The following EMC6 variants were observed in gnomAD, a reference collection of about 807,000 sequenced individuals.
The protein encoded by EMC6 is ER membrane protein complex subunit 6.
In EMC6, 1 loss-of-function variant was observed where a neutral mutation model predicts 6.5. The ratio of observed to expected loss-of-function variants is 0.15; its 90% CI spans 0.05 to 0.73. The LOEUF (loss-of-function observed/expected upper bound fraction) is 0.73, where lower values mean the gene tolerates loss of function less well. Ranked by LOEUF, EMC6 falls within the 30% of genes least tolerant of loss-of-function variation. The pLI, the probability that EMC6 is intolerant of heterozygous loss-of-function variation, is 0.78. For synonymous variants in EMC6, 96 were observed against 74.3 expected (o/e 1.29, Z -1.50); for missense variants, 114 against 146.7 (o/e 0.78, Z 1.15).
At position 3,669,535 on chromosome 17, in the gene EMC6, A is replaced by G; in HGVS notation, c.*56A>G. The G allele has an allele frequency of 7.1e-7, 1 of 1,406,320 alleles. No individual in the cohort carries two copies. Among genetic ancestry groups the G allele is most frequent in the Non-Finnish European group, 9.7e-7 (1 of 1,029,112 alleles). 87.1% of individuals were successfully genotyped at this position (1,406,320 alleles called of 1,614,324 possible). On this transcript the variant is annotated 3_prime_UTR_variant, in exon 2 of 2. Coordinates refer to ENST00000248378, the MANE Select transcript of EMC6 (RefSeq NM_031298.4). ...CCAGATCGGGAGGACTGTGGCCAGC[A>G]ATTAACACCATGTAGACTTCCTTAG...
In EMC6 at chr17:3,669,365, G is replaced by T; in HGVS notation, c.219G>T (p.Arg73Ser). The T allele has an allele frequency of 6.2e-7, 1 of 1,614,208 alleles. No homozygotes were observed. The highest frequency in any genetic ancestry group is 8.5e-7 in the Non-Finnish European group (1 of 1,180,050). ...SLLLILKAGR[R>S]WNKYFKSRRP... ...TCCTCATTCTCAAGGCGGGAAGGAG[G>T]TGGAACAAATATTTCAAATCACGGA... The change falls in exon 2 of 2, where the codon AGG (arginine) becomes AGT (serine). Residue 73 changes from arginine to serine, a missense_variant. Transcript: ENST00000248378.
Position 3,668,977 on chromosome 17 carries a change from G to A in EMC6, c.-50+78G>A. 1.5e-6 allele frequency: 1 copy of A among 657,724 alleles called. No individual in the cohort carries two copies. Among genetic ancestry groups the A allele is most frequent in the South Asian group, 2.2e-5 (1 of 45,186 alleles). 40.7% of individuals were successfully genotyped at this position (657,724 alleles called of 1,614,324 possible). A position where few individuals can be genotyped will look rare whatever the true frequency, so the allele number is the denominator to read the frequency against. On this transcript the variant is annotated intron_variant, in intron 1 of 1. Transcript: ENST00000248378. This position sits in a 1 kb window ranked among gnomAD's most constrained non-coding sequence, Gnocchi z 4.1. ...GGCCCGGACCCTCAATCTCCTCGGC[G>A]TCTTTGGAAGATCCGAGGCCCAGGA...
At position 3,669,313 on chromosome 17, in the gene EMC6, T is replaced by C; in HGVS notation, c.167T>C (p.Leu56Pro). The stretch of plus-strand genomic sequence containing the variant: ...GGCCTCTACGGCTTCATCTTCTACC[T>C]GCTCGCCTCCGTCCTGCTCTCCCTG... ...LTGLYGFIFY[L>P]LASVLLSLLL... is the part of the protein sequence containing the mutation. Residue 56 changes from leucine to proline, a missense_variant, in exon 2 of 2, where the codon CTG becomes CCG. Physicochemically the swap from Leu to Pro is moderately conservative, Grantham distance 98. Coordinates refer to ENST00000248378, the MANE Select transcript of EMC6 (RefSeq NM_031298.4). 6.2e-7 allele frequency: 1 copy of C among 1,614,180 alleles called. No homozygotes were observed. Among genetic ancestry groups the C allele is most frequent in the Non-Finnish European group, 8.5e-7 (1 of 1,180,030 alleles).
chr17:3,669,452 C>G lies in EMC6; in HGVS notation c.306C>G (p.Phe102Leu). The G allele has an allele frequency of 6.2e-7, 1 of 1,611,648 alleles. No homozygotes were observed. Among genetic ancestry groups the G allele is most frequent in the Non-Finnish European group, 8.5e-7 (1 of 1,178,500 alleles). ...GLFTYVLFWT[F>L]LYGMVHVY The stretch of plus-strand genomic sequence containing the variant: ...TCACCTACGTCCTGTTCTGGACGTT[C>G]CTCTACGGCATGGTGCACGTCTACT... Residue 102 changes from phenylalanine to leucine, a missense_variant, in exon 2 of 2, where the codon TTC becomes TTG. Transcript: ENST00000248378.
At position 3,669,555 on chromosome 17, in the gene EMC6, C is replaced by A; in HGVS notation, c.*76C>A. ...CCAGCAATTAACACCATGTAGACTT[C>A]CTTAGTTCTTAAGTGGTTGAATTCG... On this transcript the variant is annotated 3_prime_UTR_variant, in exon 2 of 2. Transcript: ENST00000248378. 1 of 1,223,602 alleles carries A rather than the reference C, an allele frequency of 8.2e-7. No individual in the cohort carries two copies. Among genetic ancestry groups the A allele is most frequent in the Non-Finnish European group, 1.1e-6 (1 of 876,202 alleles). The allele number at this position is 1,223,602 out of a possible 1,614,324, so 75.8% of individuals were successfully genotyped here. A position where few individuals can be genotyped will look rare whatever the true frequency, so the allele number is the denominator to read the frequency against.
rs1597680535 is a variant in EMC6, at chr17:3,668,854, C to G, written c.-95C>G. 3.9e-6 allele frequency: 2 copies of G among 518,090 alleles called. No individual in the cohort carries two copies. The highest frequency in any genetic ancestry group is 6.7e-6 in the Non-Finnish European group (2 of 296,302). 32.1% of individuals were successfully genotyped at this position (518,090 alleles called of 1,614,324 possible). A position where few individuals can be genotyped will look rare whatever the true frequency, so the allele number is the denominator to read the frequency against. ...GGCGCCGCGGGCATTTCTTCCACTG[C>G]CCGTCTGAGGGAACGCTAAGTAGTG... On this transcript the variant is annotated 5_prime_UTR_variant, in exon 1 of 2. Transcript: ENST00000248378. This position sits in a 1 kb window ranked among gnomAD's most constrained non-coding sequence, Gnocchi z 4.1.
rs1055763577 is a variant in EMC6, at chr17:3,668,946, C to T, written c.-50+47C>T. The stretch of plus-strand genomic sequence containing the variant: ...GGGAACGCAGACGCGCCACCACCTC[C>T]CGGCCGGCCCGGACCCTCAATCTCC... On this transcript the variant is annotated intron_variant, in intron 1 of 1. Transcript: ENST00000248378. This position sits in a 1 kb window ranked among gnomAD's most constrained non-coding sequence, Gnocchi z 4.1. 4 of 592,626 alleles carry T rather than the reference C, an allele frequency of 6.7e-6. No individual in the cohort carries two copies. The African/African-American group carries it at 7.7e-5, about 11-fold the overall frequency. 36.7% of individuals were successfully genotyped at this position (592,626 alleles called of 1,614,324 possible).
rs754211357 is a variant in EMC6 at position 3,669,377 on chromosome 17, T to C, written c.231T>C (p.Tyr77=). ...AGGCGGGAAGGAGGTGGAACAAATA[T>C]TTCAAATCACGGAGACCTCTCTTTA... The part of the protein sequence containing the change: ...ILKAGRRWNK[Y]FKSRRPLFTG... The change falls in exon 2 of 2, where the codon TAT becomes TAC. Residue 77 remains tyrosine, a synonymous_variant. Transcript: ENST00000248378. 6 of 1,614,012 alleles carry C rather than the reference T, an allele frequency of 3.7e-6. No homozygotes were observed. The highest frequency in any genetic ancestry group is 1.1e-5 in the South Asian group (1 of 91,092).
chr17:3,668,976 C>T lies in EMC6; in HGVS notation c.-50+77C>T, dbSNP rs1441479991. 3 of 652,380 alleles carry T rather than the reference C, an allele frequency of 4.6e-6. No homozygotes were observed. The highest frequency in any genetic ancestry group is 1.9e-5 in the African/African-American group (1 of 53,508). 40.4% of individuals were successfully genotyped at this position (652,380 alleles called of 1,614,324 possible). A position where few individuals can be genotyped will look rare whatever the true frequency, so the allele number is the denominator to read the frequency against. ...CGGCCCGGACCCTCAATCTCCTCGGCGTCTTTGGAAGATCCGAGGCCCAGG... is the reference window on the plus strand; with the variant it reads ...CGGCCCGGACCCTCAATCTCCTCGGTGTCTTTGGAAGATCCGAGGCCCAGG... On this transcript the variant is annotated intron_variant, in intron 1 of 1. Transcript: ENST00000248378. This position sits in a 1 kb window ranked among gnomAD's most constrained non-coding sequence, Gnocchi z 4.1.
rs553407613 is a variant in EMC6 at position 3,669,449 on chromosome 17, G to C, written c.303G>C (p.Thr101=). ...TCTTCACCTACGTCCTGTTCTGGAC[G>C]TTCCTCTACGGCATGGTGCACGTCT... ...GGLFTYVLFW[T]FLYGMVHVY Residue 101 remains threonine, a synonymous_variant, in exon 2 of 2, where the codon ACG becomes ACC. Coordinates refer to ENST00000248378, the MANE Select transcript of EMC6 (RefSeq NM_031298.4). 3.6e-5 allele frequency: 58 copies of C among 1,611,550 alleles called. 1 individual carries two copies. In the South Asian group the frequency reaches 5.7e-4, roughly 16 times the overall value.
chr17:3,669,166 A>G lies in EMC6; in HGVS notation c.20A>G (p.Lys7Arg). ...GGTGCGATGGCCGCGGTGGTGGCCA[A>G]GCGGGAAGGGCCGCCGTTCATCAGC... MAAVVA[K>R]REGPPFISEA... The change falls in exon 2 of 2, where the codon AAG becomes AGG. Residue 7 changes from lysine to arginine, a missense_variant. Transcript: ENST00000248378. 1 of 1,543,992 alleles carries G rather than the reference A, an allele frequency of 6.5e-7. No individual in the cohort carries two copies. Among genetic ancestry groups the G allele is most frequent in the Non-Finnish European group, 8.7e-7 (1 of 1,144,648 alleles).
chr17:3,668,818 C>T lies in EMC6; in HGVS notation c.-131C>T. 3.9e-6 allele frequency: 2 copies of T among 513,122 alleles called. No homozygotes were observed. Among genetic ancestry groups the T allele is most frequent in the Non-Finnish European group, 6.8e-6 (2 of 293,374 alleles). 31.8% of individuals were successfully genotyped at this position (513,122 alleles called of 1,614,324 possible). On this transcript the variant is annotated 5_prime_UTR_variant, in exon 1 of 2. Transcript: ENST00000248378. This position sits in a 1 kb window ranked among gnomAD's most constrained non-coding sequence, Gnocchi z 4.1. ...CAGCCCGAGACCTCCCGGCAGTCTTCCGAGCAAGATGGCGCCGCGGGCATT... is the reference window on the plus strand; with the variant it reads ...CAGCCCGAGACCTCCCGGCAGTCTTTCGAGCAAGATGGCGCCGCGGGCATT...
chr17:3,668,987 G>T lies in EMC6; in HGVS notation c.-50+88G>T, dbSNP rs1352850403. The T allele has an allele frequency of 1.5e-5, 10 of 687,464 alleles. No individual in the cohort carries two copies. The East Asian group carries it at 2.9e-4, about 20-fold the overall frequency. The allele number at this position is 687,464 out of a possible 1,614,324, so 42.6% of individuals were successfully genotyped here. A position where few individuals can be genotyped will look rare whatever the true frequency, so the allele number is the denominator to read the frequency against. On this transcript the variant is annotated intron_variant, in intron 1 of 1. Transcript: ENST00000248378. The surrounding 1 kb of genome is among the most constrained non-coding windows in gnomAD (Gnocchi z 4.1). The stretch of plus-strand genomic sequence containing the variant: ...CTCAATCTCCTCGGCGTCTTTGGAA[G>T]ATCCGAGGCCCAGGACTGGTGCCAG...
At position 3,668,966 on chromosome 17, in the gene EMC6, A is replaced by G. The variant is rs979590525; in HGVS notation, c.-50+67A>G. On this transcript the variant is annotated intron_variant, in intron 1 of 1. Transcript: ENST00000248378. This position sits in a 1 kb window ranked among gnomAD's most constrained non-coding sequence, Gnocchi z 4.1. ...ACCTCCCGGCCGGCCCGGACCCTCA[A>G]TCTCCTCGGCGTCTTTGGAAGATCC... 26 of 634,094 alleles carry G rather than the reference A, an allele frequency of 4.1e-5. No individual in the cohort carries two copies. Among genetic ancestry groups the G allele is most frequent in the African/African-American group, 1.7e-4 (9 of 52,978 alleles). The allele number at this position is 634,094 out of a possible 1,614,324, so 39.3% of individuals were successfully genotyped here.
Position 3,668,853 on chromosome 17 carries a change from G to A in EMC6, c.-96G>A, listed in dbSNP as rs1287413771. On this transcript the variant is annotated 5_prime_UTR_variant, in exon 1 of 2. Transcript: ENST00000248378. The surrounding 1 kb of genome is among the most constrained non-coding windows in gnomAD (Gnocchi z 4.1). ...TGGCGCCGCGGGCATTTCTTCCACT[G>A]CCCGTCTGAGGGAACGCTAAGTAGT... The A allele has an allele frequency of 5.8e-6, 3 of 516,900 alleles. No homozygotes were observed. Among genetic ancestry groups the A allele is most frequent in the Admixed American group, 3.8e-5 (1 of 26,290 alleles). 32.0% of individuals were successfully genotyped at this position (516,900 alleles called of 1,614,324 possible). A position where few individuals can be genotyped will look rare whatever the true frequency, so the allele number is the denominator to read the frequency against.
chr17:3,668,906 G>C lies in EMC6; in HGVS notation c.-50+7G>C, dbSNP rs2049967652. 5 of 560,106 alleles carry C rather than the reference G, an allele frequency of 8.9e-6. No individual in the cohort carries two copies. Among genetic ancestry groups the C allele is most frequent in the Non-Finnish European group, 1.6e-5 (5 of 321,650 alleles). 34.7% of individuals were successfully genotyped at this position (560,106 alleles called of 1,614,324 possible). ...GTCCGGCGCCGTGTTCCAGGTAACT[G>C]GGCCACCGTGGCCGGGGAACGCAGA... On this transcript the variant is annotated splice_region_variant and intron_variant, in intron 1 of 1. Coordinates refer to ENST00000248378, the MANE Select transcript of EMC6 (RefSeq NM_031298.4). This position sits in a 1 kb window ranked among gnomAD's most constrained non-coding sequence, Gnocchi z 4.1.
rs2049965806 is a variant in EMC6, at chr17:3,668,832, G to C, written c.-117G>C. On this transcript the variant is annotated 5_prime_UTR_variant, in exon 1 of 2. Coordinates refer to ENST00000248378, the MANE Select transcript of EMC6 (RefSeq NM_031298.4). The surrounding 1 kb of genome is among the most constrained non-coding windows in gnomAD (Gnocchi z 4.1). Reference sequence around the variant, plus strand: ...CCGGCAGTCTTCCGAGCAAGATGGCGCCGCGGGCATTTCTTCCACTGCCCG... The same window carrying C: ...CCGGCAGTCTTCCGAGCAAGATGGCCCCGCGGGCATTTCTTCCACTGCCCG... 3.9e-6 allele frequency: 2 copies of C among 508,602 alleles called. No homozygotes were observed. Among genetic ancestry groups the C allele is most frequent in the Non-Finnish European group, 3.4e-6 (1 of 290,632 alleles). The allele number at this position is 508,602 out of a possible 1,614,324, so 31.5% of individuals were successfully genotyped here. A position where few individuals can be genotyped will look rare whatever the true frequency, so the allele number is the denominator to read the frequency against.
chr17:3,669,032 G>A, intron 1 of EMC6, 66 bp from the exon 2 acceptor site: 1 of 972,766 alleles, frequency 1.0e-6, no homozygotes, highest in Middle Eastern at 3.3e-4. Context: ...GCTCCAGGGG[G>A]AGGGGGCGGC....
rs1287012653 is a variant in EMC6 at position 3,669,622 on chromosome 17, C to T, written c.*143C>T. 5 of 650,464 alleles carry T rather than the reference C, an allele frequency of 7.7e-6. No individual in the cohort carries two copies. The East Asian group carries it at 8.9e-5, about 12-fold the overall frequency. 40.3% of individuals were successfully genotyped at this position (650,464 alleles called of 1,614,324 possible). A position where few individuals can be genotyped will look rare whatever the true frequency, so the allele number is the denominator to read the frequency against. ...GTTATAAATAATTTATATCTGAAGACGGAGAGCCTGTAATATTCTTCAGAT... is the reference window on the plus strand; with the variant it reads ...GTTATAAATAATTTATATCTGAAGATGGAGAGCCTGTAATATTCTTCAGAT... On this transcript the variant is annotated 3_prime_UTR_variant, in exon 2 of 2. Coordinates refer to ENST00000248378, the MANE Select transcript of EMC6 (RefSeq NM_031298.4).
Sources: gnomAD v4.1 joint callset for allele counts on GRCh38, gnomAD v4.1.1 for gene constraint, Gnocchi (gnomAD v3.1) non-coding constraint, MANE v1.5 for transcripts, NCBI Gene and HGNC (gene_info 2026-07-23, HGNC 2026-07-21) for gene names.